KLHL1: variants seen among roughly 807,000 people sequenced by gnomAD.
KLHL1 encodes the protein kelch like family member 1.
KLHL1 carries 47 observed loss-of-function variants against 77.7 expected under a neutral mutation model. That is an observed-to-expected ratio of 0.60 (90% confidence interval 0.48 to 0.77). The LOEUF (loss-of-function observed/expected upper bound fraction) is 0.77, where lower values mean the gene tolerates loss of function less well. KLHL1 is among the 30% of genes least tolerant of loss of function. The pLI, the probability that KLHL1 is intolerant of heterozygous loss-of-function variation, is 0.00. For missense variants in KLHL1, 925 were observed against 910.8 expected (o/e 1.02, Z -0.20); for synonymous variants, 360 against 325.2 (o/e 1.11, Z -1.15).
intron 7 of KLHL1, among the ~76,000 whole-genome samples, chr13:69,778,045 G>A (rs1160524444): frequency 6.6e-6 from 1 of 151,746 alleles, no homozygotes; most frequent in Non-Finnish European, 1.5e-5. Flanking sequence ...TTATAAAAAT[G>A]TATAAAATAG....
At chr13:69,816,079 A>G (rs1217001543) in intron 6 of KLHL1, among the ~76,000 whole-genome samples, 1 of 151,922 alleles carries the variant, frequency 6.6e-6, no homozygotes, top group African/African-American at 2.4e-5. Flanking sequence ...TAAATATCAG[A>G]AAATTTACTT....
At chr13:69,764,929 C>CTTTTTGTTTTTTTTTTTT (rs1875207543) in intron 7 of KLHL1, among the ~76,000 whole-genome samples, 1 of 39,714 alleles carries the variant, frequency 2.5e-5, no homozygotes, top group Non-Finnish European at 4.5e-5. Flanking sequence ...TATATCTTTG[C>CTTTTTGTTTTTTTTTTTT]TTTTTTTTTT....
At chr13:69,769,013 C>T (rs1425459199) in intron 7 of KLHL1, among the ~76,000 whole-genome samples, 1 of 152,204 alleles carries the variant, frequency 6.6e-6, no homozygotes, top group Admixed American at 6.5e-5. Flanking sequence ...ATGAATATGA[C>T]TAAGTCTCAT....
chr13:69,996,092 C>T (rs1291375579), intron 1 of KLHL1, among the ~76,000 whole-genome samples: 1 of 152,020 alleles, frequency 6.6e-6, no homozygotes, highest in Non-Finnish European at 1.5e-5. Flanking sequence ...ATCATGAGGT[C>T]AGGAGACTGA....
intron 3 of KLHL1, among the ~76,000 whole-genome samples, chr13:69,956,277 A>G (rs1883886110): frequency 6.7e-6 from 1 of 150,148 alleles, no homozygotes. Context: ...GGTAAGGAAC[A>G]TGTATAATTC....
chr13:69,939,359 A>ATATACATATACATAC (rs1566424718), intron 4 of KLHL1, among the ~76,000 whole-genome samples: 10 of 91,190 alleles, frequency 1.1e-4, no homozygotes, highest in African/African-American at 4.4e-4. Context: ...ATATATATAT[A>ATATACATATACATAC]TATATATATA....
intron 1 of KLHL1, among the ~76,000 whole-genome samples, chr13:69,980,818 TTAAA>T (rs776364700): frequency 4.1e-4 from 63 of 152,154 alleles, no homozygotes; most frequent in Non-Finnish European, 7.9e-4. Context: ...TAAATATGGT[TTAAA>T]TACATCTCTG....
intron 1 of KLHL1, among the ~76,000 whole-genome samples, chr13:70,014,684 T>C (rs1885615335): frequency 6.6e-6 from 1 of 152,164 alleles, no homozygotes. Context: ...GTAATATCAA[T>C]GTACTTAAAG....
At chr13:69,840,775 T>C (rs1879225936) in intron 5 of KLHL1, among the ~76,000 whole-genome samples, 1 of 149,548 alleles carries the variant, frequency 6.7e-6, no homozygotes, top group Non-Finnish European at 1.5e-5. Flanking sequence ...AGGACTACTA[T>C]TTTTAGTAAA....
chr13:69,754,816 G>A (rs1256338067), intron 7 of KLHL1, among the ~76,000 whole-genome samples: 1 of 152,068 alleles, frequency 6.6e-6, no homozygotes, highest in Non-Finnish European at 1.5e-5. Flanking sequence ...ATCATTTGGT[G>A]TATTTTGCTA....
At chr13:70,080,662 T>A (rs1274201952) in intron 1 of KLHL1, among the ~76,000 whole-genome samples, 2 of 152,122 alleles carry the variant, frequency 1.3e-5, no homozygotes, top group Admixed American at 1.3e-4. Context: ...AGTGTCGTGA[T>A]CTTGGCTCAC....
intron 3 of KLHL1, among the ~76,000 whole-genome samples, chr13:69,956,876 A>G (rs531994971): frequency 6.6e-6 from 1 of 151,828 alleles, no homozygotes; most frequent in East Asian, 1.9e-4. Flanking sequence ...TGCTTTGCAC[A>G]TGCTTAGCAT....
intron 9 of KLHL1, among the ~76,000 whole-genome samples, chr13:69,712,680 A>G (rs1875931149): frequency 1.3e-5 from 2 of 151,610 alleles, no homozygotes; most frequent in African/African-American, 2.4e-5. Context: ...TCCAATATAC[A>G]CACAACCACA....
At chr13:69,719,790 T>C (rs958997698) in intron 8 of KLHL1, among the ~76,000 whole-genome samples, 1 of 151,774 alleles carries the variant, frequency 6.6e-6, no homozygotes, top group Non-Finnish European at 1.5e-5. Context: ...GTATACTAGA[T>C]GAAATTAAGA....
chr13:69,957,390 A>G lies in KLHL1; in HGVS notation c.817+3918T>C, dbSNP rs562442583. Among the ~76,000 whole-genome samples, 102 of 151,858 alleles carry G rather than the reference A, an allele frequency of 6.7e-4. No homozygotes were observed. In the South Asian group the frequency reaches 0.014, roughly 21 times the overall value. ...TTAAGCTGTATTCTATCAGTTTTCT[A>G]TACAGATGGTTCCTGACTTATCAGG... On this transcript the variant is annotated intron_variant, in intron 3 of 10. Coordinates refer to ENST00000377844, the MANE Select transcript of KLHL1 (RefSeq NM_020866.3).
At chr13:70,069,127 T>G (rs1392430169) in intron 1 of KLHL1, among the ~76,000 whole-genome samples, 1 of 152,168 alleles carries the variant, frequency 6.6e-6, no homozygotes, top group Non-Finnish European at 1.5e-5. Flanking sequence ...TCTGGCTCAC[T>G]AAAAGACGGA....
intron 2 of KLHL1, among the ~76,000 whole-genome samples, chr13:69,962,526 A>T (rs892598989): frequency 2.6e-5 from 4 of 151,986 alleles, no homozygotes; most frequent in Admixed American, 1.3e-4. Flanking sequence ...TATTAAGAGG[A>T]ATGCATCTAA....
intron 10 of KLHL1, among the ~76,000 whole-genome samples, chr13:69,702,861 T>A (rs1875459364): frequency 6.6e-6 from 1 of 151,702 alleles, no homozygotes; most frequent in Admixed American, 6.6e-5. Flanking sequence ...CATATTTGTG[T>A]GAAGAATAAT....
At position 70,108,019 on chromosome 13, in the gene KLHL1, G is replaced by A. The variant is rs1298438492; in HGVS notation, c.-320C>T. The A allele has an allele frequency of 6.8e-6, 3 of 442,448 alleles. No individual in the cohort carries two copies. The highest frequency in any genetic ancestry group is 4.0e-6 in the Non-Finnish European group (1 of 251,722). 27.4% of individuals were successfully genotyped at this position (442,448 alleles called of 1,614,324 possible). ...GCGCGAGAGCCCCGTGTTATGGCGAGGTGGGACAACCCTTAGGCTGGAGAT... is the reference window on the plus strand; with the variant it reads ...GCGCGAGAGCCCCGTGTTATGGCGAAGTGGGACAACCCTTAGGCTGGAGAT... On this transcript the variant is annotated 5_prime_UTR_variant, in exon 1 of 11. Coordinates refer to ENST00000377844, the MANE Select transcript of KLHL1 (RefSeq NM_020866.3).
Sources: allele counts gnomAD v4.1 joint callset (sites outside exome capture counted in the v4.1 genomes callset), GRCh38; gene constraint gnomAD v4.1.1; transcripts MANE v1.5; gene names NCBI Gene and HGNC (gene_info 2026-07-23, HGNC 2026-07-21).